RIF1: variants seen among roughly 807,000 people sequenced by gnomAD.
RIF1 encodes the protein telomere-associated protein RIF1.
Under a neutral mutation model 247.1 loss-of-function variants are expected in RIF1, and 45 were observed. The ratio of observed to expected loss-of-function variants is 0.18; its 90% CI spans 0.14 to 0.23. The LOEUF is 0.23. Ranked by LOEUF, RIF1 falls within the 10% of genes least tolerant of loss-of-function variation. The probability of loss-of-function intolerance (pLI) is 1.00; values close to 1 mark genes in which losing one functional copy is unlikely to be tolerated. For missense variants in RIF1, 2,967 were observed against 2,862.5 expected (o/e 1.04, Z -0.83); for synonymous variants, 1,087 against 978.8 (o/e 1.11, Z -2.06).
chr2:151,531,110 T>C, the RIF1 span: 2 of 1,563,506 alleles, frequency 1.3e-6, no homozygotes, highest in Non-Finnish European at 1.8e-6. Context: ...ATCTGAAAGA[T>C]CAAAAAGCAG....
chr2:151,445,282 C>G (rs1026199364), intron 18 of RIF1, 56 bp from the exon 19 acceptor site: 145 of 994,706 alleles, frequency 1.5e-4, no homozygotes, highest in Non-Finnish European at 2.2e-4. Flanking sequence ...TATGTTACTA[C>G]TTAGGATTAG....
At chr2:151,488,989 A>G (rs2053724331) in intron 9 of RIF1, among the ~76,000 whole-genome samples, 2 of 152,194 alleles carry the variant, frequency 1.3e-5, no homozygotes, top group Admixed American at 1.3e-4. Flanking sequence ...CTTAAGTATT[A>G]TCATTTTCAA....
intron 34 of RIF1, among the ~76,000 whole-genome samples, chr2:151,472,208 G>A (rs1397396401): frequency 2.0e-5 from 3 of 152,112 alleles, no homozygotes; most frequent in African/African-American, 7.2e-5. Flanking sequence ...TGTGATTTTT[G>A]CACATTGATT....
At position 151,456,493 on chromosome 2, in the gene RIF1, T is replaced by C. The variant is rs575020600; in HGVS notation, c.2610-85T>C. On this transcript the variant is annotated intron_variant, in intron 22 of 35. Transcript: ENST00000444746. ...TCAATTTATATTTATTATGTCTTTA[T>C]TACCTTTTTCTTAGGATTAGCTTGA... 7.0e-5 allele frequency: 52 copies of C among 744,632 alleles called. No homozygotes were observed. In the South Asian group the frequency reaches 8.6e-4, roughly 12 times the overall value. The allele number at this position is 744,632 out of a possible 1,614,324, so 46.1% of individuals were successfully genotyped here.
rs193253328 is a variant in RIF1 at position 151,452,339 on chromosome 2, A to G, written c.2344+634A>G. Among the ~76,000 whole-genome samples, 5 of 152,356 alleles carry G rather than the reference A, an allele frequency of 3.3e-5. No individual in the cohort carries two copies. In the East Asian group the frequency reaches 9.6e-4, roughly 29 times the overall value. On this transcript the variant is annotated intron_variant, in intron 21 of 35. Transcript: ENST00000444746. ...TAATTGATTCATTGAAGTCAGATAT[A>G]TCCACCTATGTTTATATGTTCTTAC...
chr2:151,449,129 G>A (rs758695359), intron 20 of RIF1, among the ~76,000 whole-genome samples: 2 of 152,022 alleles, frequency 1.3e-5, no homozygotes, highest in Non-Finnish European at 2.9e-5. Context: ...ATTATAAATG[G>A]GTCTGTTCTT....
chr2:151,417,003 G>A, intron 6 of RIF1, 102 bp downstream of exon 6: 5 of 815,360 alleles, frequency 6.1e-6, no homozygotes, highest in East Asian at 2.6e-5. Context: ...TTAAAAGGGG[G>A]GAATGTCATT....
chr2:151,418,034 C>G (rs1687517814), intron 6 of RIF1, among the ~76,000 whole-genome samples: 1 of 152,056 alleles, frequency 6.6e-6, no homozygotes, highest in Admixed American at 6.6e-5. Context: ...TCACACTTAC[C>G]ACGAATGGAG....
chr2:151,526,805 T>G, the RIF1 span: 1 of 802,466 alleles, frequency 1.2e-6, no homozygotes, highest in Non-Finnish European at 2.1e-6. Context: ...GACCCATACC[T>G]GAGCCCTGAT....
intron 11 of RIF1, among the ~76,000 whole-genome samples, chr2:151,435,930 A>G (rs933663828): frequency 3.9e-5 from 6 of 152,156 alleles, no homozygotes. Context: ...GCGCTATTAA[A>G]AACAACACAT....
chr2:151,496,226 AAGT>A, intron 10 of RIF1: 4 of 1,456,622 alleles, frequency 2.7e-6, no homozygotes, highest in Non-Finnish European at 3.8e-6. Flanking sequence ...TAAATCATAA[AAGT>A]AGTTTTTAAA....
chr2:151,409,966 G>A lies in RIF1; in HGVS notation c.-78G>A. 1 of 702,020 alleles carries A rather than the reference G, an allele frequency of 1.4e-6. No individual in the cohort carries two copies. Among genetic ancestry groups the A allele is most frequent in the Non-Finnish European group, 2.6e-6 (1 of 384,666 alleles). 43.5% of individuals were successfully genotyped at this position (702,020 alleles called of 1,614,324 possible). On this transcript the variant is annotated 5_prime_UTR_variant, in exon 1 of 36. Transcript: ENST00000444746. The stretch of plus-strand genomic sequence containing the variant: ...TGAGTAAACAGCCGGAGCTGGGAAA[G>A]TCGAGCTCTGGCAGCGTCTGGGTGC...
At position 151,463,420 on chromosome 2, in the gene RIF1, A is replaced by G; in HGVS notation, c.3900A>G (p.Lys1300=). 6.2e-7 allele frequency: 1 copy of G among 1,614,000 alleles called. No homozygotes were observed. The highest frequency in any genetic ancestry group is 1.1e-5 in the South Asian group (1 of 91,042). ...RAGKAEQTGN[K]RSKPLMRSEP... is the part of the protein sequence containing the mutation. ...GTAAAGCTGAACAAACAGGGAATAA[A>G]AGGTCTAAGCCCTTAATGAGATCTG... is the stretch of plus-strand genomic sequence containing the variant. The change falls in exon 30 of 36, where the codon AAA becomes AAG. Residue 1300 remains lysine (K), a synonymous_variant. Transcript: ENST00000444746.
At chr2:151,451,143 G>A (rs1237345320) in intron 20 of RIF1, among the ~76,000 whole-genome samples, 5 of 152,162 alleles carry the variant, frequency 3.3e-5, no homozygotes, top group Non-Finnish European at 1.5e-5. Flanking sequence ...ATAACAATGT[G>A]TCAGTCAACA....
intron 20 of RIF1, among the ~76,000 whole-genome samples, chr2:151,450,385 A>G (rs755136306): frequency 6.6e-6 from 1 of 152,122 alleles, no homozygotes; most frequent in Non-Finnish European, 1.5e-5. Context: ...CTCCCTGATT[A>G]TGAATTTGCT....
intron 10 of RIF1, chr2:151,499,150 CTGAT>C (rs1221865564): frequency 2.1e-6 from 1 of 483,928 alleles, no homozygotes; most frequent in Non-Finnish European, 3.7e-6. Flanking sequence ...ATGGGGAAAA[CTGAT>C]TCATAGGAAA....
rs1333039121 is a variant in RIF1 at position 151,445,444 on chromosome 2, T to C, written c.2093T>C (p.Val698Ala). The change falls in exon 19 of 36, where the codon GTG becomes GCG. Residue 698 changes from valine to alanine, a missense_variant and splice_region_variant. Val to Ala is a moderately conservative substitution (Grantham distance 64). Around this residue, in one of 7 missense-constraint regions of RIF1, gnomAD observed 76 missense variants for 113.3 expected, o/e 0.67. Coordinates refer to ENST00000444746, the MANE Select transcript of RIF1 (RefSeq NM_018151.5). ...ATTTTTTCAGAACAGAGATTTCCAGTGGTAAGGCATTGTCAAGTATTGATT... is the reference window on the plus strand; with the variant it reads ...ATTTTTTCAGAACAGAGATTTCCAGCGGTAAGGCATTGTCAAGTATTGATT... ...NHIFSEQRFP[V>A]ATMKTLLRTW... 1 of 1,439,972 alleles carries C rather than the reference T, an allele frequency of 6.9e-7. No individual in the cohort carries two copies. The highest frequency in any genetic ancestry group is 2.3e-5 in the East Asian group (1 of 44,078). 89.2% of individuals were successfully genotyped at this position (1,439,972 alleles called of 1,614,324 possible). A position where few individuals can be genotyped will look rare whatever the true frequency, so the allele number is the denominator to read the frequency against.
the RIF1 span, chr2:151,513,595 A>G: frequency 8.1e-6 from 13 of 1,607,018 alleles, no homozygotes; most frequent in Non-Finnish European, 1.1e-5. Context: ...TGGCAATATC[A>G]GTAGCATTCC....
chr2:151,435,694 C>A, intron 11 of RIF1, 114 bp downstream of exon 11: 7 of 561,244 alleles, frequency 1.2e-5, no homozygotes, highest in South Asian at 3.1e-5. Flanking sequence ...CAGTGTTTTT[C>A]GTTTGAAATG....
Sources: gnomAD v4.1 joint callset for allele counts (sites outside exome capture counted in the v4.1 genomes callset) on GRCh38, gnomAD v4.1.1 for gene constraint, gnomAD v4.1.1 regional missense constraint, MANE v1.5 for transcripts, NCBI Gene and HGNC (gene_info 2026-07-23, HGNC 2026-07-21) for gene names.